Variants in TUFT1 observed in about 807,000 individuals in gnomAD.
The protein encoded by TUFT1 is tuftelin 1.
TUFT1 carries 43 observed loss-of-function variants against 57.8 expected under a neutral mutation model. That is an observed-to-expected ratio of 0.74 (90% CI 0.58 to 0.96). TUFT1 has a LOEUF of 0.96. TUFT1 is among the 40% of genes least tolerant of loss of function. TUFT1 has a pLI of 0.00. For synonymous variants in TUFT1, 166 were observed against 176.7 expected (o/e 0.94, Z 0.48); for missense variants, 459 against 489.0 (o/e 0.94, Z 0.58).
chr1:151,559,435 G>A (rs1359867904), intron 1 of TUFT1, among the ~76,000 whole-genome samples: 1 of 152,156 alleles, frequency 6.6e-6, no homozygotes, highest in Non-Finnish European at 1.5e-5. Flanking sequence ...TGAACTTGAG[G>A]AACTTGGAGA....
intron 9 of TUFT1, among the ~76,000 whole-genome samples, chr1:151,577,602 G>A (rs1666515064): frequency 6.6e-6 from 1 of 152,164 alleles, no homozygotes; most frequent in Admixed American, 6.5e-5. Flanking sequence ...AAGATGCAAA[G>A]GAAGCAACAG....
At chr1:151,549,375 G>A (rs1665441601) in intron 1 of TUFT1, among the ~76,000 whole-genome samples, 1 of 152,148 alleles carries the variant, frequency 6.6e-6, no homozygotes, top group Non-Finnish European at 1.5e-5. Context: ...GAGGTCTGTG[G>A]CCTTGCTGAC....
At chr1:151,562,289 A>G (rs928704070) in intron 2 of TUFT1, 124 bp downstream of exon 2, 1 of 827,146 alleles carries the variant, frequency 1.2e-6, no homozygotes, top group Admixed American at 2.3e-5. Flanking sequence ...CCCTCCTTTC[A>G]GCAACATCCA....
intron 1 of TUFT1, among the ~76,000 whole-genome samples, chr1:151,552,386 G>T (rs1571690482): frequency 6.6e-6 from 1 of 152,264 alleles, no homozygotes; most frequent in East Asian, 1.9e-4. Flanking sequence ...CGGAAGTTTT[G>T]CTGAAAATCA....
At chr1:151,563,523 A>G (rs1665965894) in intron 3 of TUFT1, among the ~76,000 whole-genome samples, 2 of 152,200 alleles carry the variant, frequency 1.3e-5, no homozygotes, top group African/African-American at 2.4e-5. Flanking sequence ...CATACAGCCT[A>G]GGGGTGTAGG....
chr1:151,561,047 G>T (rs569890669), intron 1 of TUFT1, among the ~76,000 whole-genome samples: 39 of 151,408 alleles, frequency 2.6e-4, no homozygotes, highest in African/African-American at 9.2e-4. Flanking sequence ...AGGCTGGAGT[G>T]CAGTGGCACA....
In TUFT1 at chr1:151,562,753, C is replaced by T; in HGVS notation, c.237+67C>T. ...CTCCCTGCACGTATATGAGAAGGAG[C>T]AGTTGATGTTGTTGCCAAAGGGAGC... On this transcript the variant is annotated intron_variant, in intron 3 of 12. Transcript: ENST00000368849. The T allele has an allele frequency of 4.4e-6, 6 of 1,377,836 alleles. No individual in the cohort carries two copies. The South Asian group carries it at 6.0e-5, about 14-fold the overall frequency. The allele number at this position is 1,377,836 out of a possible 1,614,324, so 85.4% of individuals were successfully genotyped here.
At position 151,572,257 on chromosome 1, in the gene TUFT1, C is replaced by T. The variant is rs115633403; in HGVS notation, c.595-2013C>T. ...TTTTTTTAAAAAAGGAGGTGCTCCT[C>T]GGGTCATTCCCACTGTTGGGCTAGG... On this transcript the variant is annotated intron_variant, in intron 7 of 12. Transcript: ENST00000368849. Among the ~76,000 whole-genome samples the T allele has an allele frequency of 2.8e-3, 422 of 152,020 alleles. 2 individuals are homozygous for T. The highest frequency in any genetic ancestry group is 0.01 in the Middle Eastern group (3 of 294).
At chr1:151,568,581 A>G (rs1666152491) in intron 6 of TUFT1, among the ~76,000 whole-genome samples, 1 of 152,206 alleles carries the variant, frequency 6.6e-6, no homozygotes, top group South Asian at 2.1e-4. Context: ...TGTTCCAGGA[A>G]CCTTTTAAAG....
intron 1 of TUFT1, chr1:151,545,925 A>C: frequency 1.9e-6 from 1 of 521,338 alleles, no homozygotes; most frequent in Non-Finnish European, 4.0e-6. Flanking sequence ...TGACCAAGGC[A>C]GCTGGTGTCC....
chr1:151,580,043 A>T (rs976211922), intron 11 of TUFT1, among the ~76,000 whole-genome samples: 3 of 152,180 alleles, frequency 2.0e-5, no homozygotes, highest in Admixed American at 1.3e-4. Context: ...AGGAGCTGGC[A>T]GTGGTGCTGG....
intron 5 of TUFT1, 179 bp downstream of exon 5, chr1:151,564,793 T>C: frequency 1.8e-6 from 1 of 558,026 alleles, no homozygotes; most frequent in Non-Finnish European, 3.2e-6. Flanking sequence ...CTCCAGCCGA[T>C]GAGCACTTAC....
Position 151,580,984 on chromosome 1 carries a change from C to G in TUFT1, c.1051C>G (p.Gln351Glu), listed in dbSNP as rs775034696. The G allele has an allele frequency of 3.7e-6, 6 of 1,614,000 alleles. No individual in the cohort carries two copies. Among genetic ancestry groups the G allele is most frequent in the Non-Finnish European group, 4.2e-6 (5 of 1,180,016 alleles). The change falls in exon 12 of 13, where the codon CAA becomes GAA. Residue 351 changes from glutamine (Q) to glutamate (E), a missense_variant. Coordinates refer to ENST00000368849, the MANE Select transcript of TUFT1 (RefSeq NM_020127.3). ...CCGGATGGAACACCTGATAGAAAAA[C>G]AAATCAGTCATGGCAACTTCAGCAC... is the stretch of plus-strand genomic sequence containing the variant. ...HDRMEHLIEK[Q>E]ISHGNFSTQA... is the part of the protein sequence containing the mutation.
intron 6 of TUFT1, among the ~76,000 whole-genome samples, chr1:151,567,381 G>C (rs184598914): frequency 6.6e-6 from 1 of 151,962 alleles, no homozygotes; most frequent in Admixed American, 6.6e-5. Flanking sequence ...CTATAGACAC[G>C]TGCCACCACA....
intron 5 of TUFT1, 38 bp from the exon 6 acceptor site, chr1:151,566,125 A>G: frequency 2.6e-6 from 4 of 1,540,908 alleles, no homozygotes; most frequent in Non-Finnish European, 1.8e-6. Context: ...GGTTGCTTTC[A>G]TCTGTTTTAA....
intron 1 of TUFT1, among the ~76,000 whole-genome samples, chr1:151,549,781 G>A (rs1665451520): frequency 6.6e-6 from 1 of 152,188 alleles, no homozygotes; most frequent in Non-Finnish European, 1.5e-5. Context: ...GGAGTGCATG[G>A]CACAGTCTTG....
chr1:151,569,104 C>T (rs769827520), intron 6 of TUFT1, among the ~76,000 whole-genome samples: 2 of 152,196 alleles, frequency 1.3e-5, no homozygotes, highest in Non-Finnish European at 2.9e-5. Flanking sequence ...TTTTCCACAT[C>T]GAATCAGATT....
Position 151,576,080 on chromosome 1 carries a change from C to T in TUFT1, c.818+1075C>T, listed in dbSNP as rs72997993. 2.2e-3 allele frequency among the ~76,000 whole-genome samples: 340 copies of T among 152,186 alleles called. 2 individuals are homozygous for T. The highest frequency in any genetic ancestry group is 7.5e-3 in the African/African-American group (311 of 41,518). On this transcript the variant is annotated intron_variant, in intron 9 of 12. Transcript: ENST00000368849. ...ATGGCAGTGACAGCTGTGCCATGTA[C>T]GTGCTGATTTTCTACCTAAAAGGAG...
chr1:151,553,608 G>A (rs1308924428), intron 1 of TUFT1, among the ~76,000 whole-genome samples: 3 of 152,108 alleles, frequency 2.0e-5, no homozygotes, highest in Admixed American at 6.6e-5. Flanking sequence ...TTTTTCTTCC[G>A]AGGTCTTCAT....
Sources: gnomAD v4.1 joint callset for allele counts (sites outside exome capture counted in the v4.1 genomes callset) on GRCh38, gnomAD v4.1.1 for gene constraint, MANE v1.5 for transcripts, NCBI Gene and HGNC (gene_info 2026-07-23, HGNC 2026-07-21) for gene names.